The following NOS1AP variants were observed in gnomAD, a reference collection of about 807,000 sequenced individuals.
The protein encoded by NOS1AP is carboxyl-terminal PDZ ligand of neuronal nitric oxide synthase protein.
A neutral mutation model predicts 56.2 loss-of-function variants in NOS1AP; 21 were observed. The observed-to-expected ratio is 0.37, with a 90% CI of 0.26 to 0.54. NOS1AP has a LOEUF of 0.54. Among genes scored for constraint, NOS1AP ranks in the 20% least tolerant of loss-of-function variants. NOS1AP has a pLI of 0.84. For missense variants in NOS1AP, 522 were observed against 657.8 expected, an observed-to-expected ratio of 0.79 and a Z score of 2.26; for synonymous variants, 270 against 274.6, an observed-to-expected ratio of 0.98 and a Z score of 0.17.
chr1:162,305,393 T>C (rs1007968956), intron 4 of NOS1AP, among the ~76,000 whole-genome samples: 3 of 152,050 alleles, frequency 2.0e-5, no homozygotes, highest in African/African-American at 7.3e-5. Flanking sequence ...TCCTATTTTT[T>C]TTTTTTCAGT....
intron 1 of NOS1AP, among the ~76,000 whole-genome samples, chr1:162,073,437 A>G (rs919280565): frequency 6.6e-6 from 1 of 152,202 alleles, no homozygotes; most frequent in Non-Finnish European, 1.5e-5. Flanking sequence ...ACTCTGGTAC[A>G]GGAAATTATT....
At chr1:162,257,592 T>C (rs1399538339) in intron 2 of NOS1AP, among the ~76,000 whole-genome samples, 1 of 150,542 alleles carries the variant, frequency 6.6e-6, no homozygotes, top group Non-Finnish European at 1.5e-5. Flanking sequence ...GAGGTTGCAG[T>C]GAGCCGAGAT....
intron 1 of NOS1AP, among the ~76,000 whole-genome samples, chr1:162,138,071 A>G (rs548551949): frequency 1.3e-5 from 2 of 152,308 alleles, no homozygotes; most frequent in African/African-American, 2.4e-5. Context: ...AAAAATGCAT[A>G]ATCTGTTGAT....
chr1:162,179,633 A>G (rs932247050), intron 2 of NOS1AP, among the ~76,000 whole-genome samples: 6 of 152,204 alleles, frequency 3.9e-5, no homozygotes, highest in African/African-American at 1.4e-4. Flanking sequence ...AGAAAGTCCA[A>G]GCAGGCTTCA....
chr1:162,334,529 G>A (rs1389240423), intron 5 of NOS1AP, among the ~76,000 whole-genome samples: 2 of 152,166 alleles, frequency 1.3e-5, no homozygotes, highest in Non-Finnish European at 2.9e-5. Context: ...GACCTGGGGA[G>A]GAGAGAAAAG....
At chr1:162,175,020 G>C in intron 2 of NOS1AP, among the ~76,000 whole-genome samples, 1 of 152,154 alleles carries the variant, frequency 6.6e-6, no homozygotes, top group East Asian at 1.9e-4. Context: ...AGGTAAGATG[G>C]CATTCTCATC....
At chr1:162,250,593 C>T (rs1653817113) in intron 2 of NOS1AP, among the ~76,000 whole-genome samples, 1 of 152,126 alleles carries the variant, frequency 6.6e-6, no homozygotes, top group Non-Finnish European at 1.5e-5. Context: ...ATAAGTGAGT[C>T]AGGCAGGGGA....
At position 162,260,194 on chromosome 1, in the gene NOS1AP, G is replaced by A. The variant is rs1013198552; in HGVS notation, c.178-27150G>A. Among the ~76,000 whole-genome samples the A allele has an allele frequency of 2.6e-5, 4 of 152,108 alleles. No homozygotes were observed. In the East Asian group the frequency reaches 7.7e-4, roughly 29 times the overall value. On this transcript the variant is annotated intron_variant, in intron 2 of 9. Coordinates refer to ENST00000361897, the MANE Select transcript of NOS1AP (RefSeq NM_014697.3). ...TGAAATATATACGACTGAGAGGGAA[G>A]CAGATTTATGTAGCAATTCTGGATG...
At chr1:162,193,561 C>G (rs1651708280) in intron 2 of NOS1AP, among the ~76,000 whole-genome samples, 1 of 152,130 alleles carries the variant, frequency 6.6e-6, no homozygotes, top group South Asian at 2.1e-4. Context: ...TTTTTGCTTC[C>G]TTTTCGCCTT....
chr1:162,092,072 G>A (rs1460814681), intron 1 of NOS1AP, among the ~76,000 whole-genome samples: 2 of 152,164 alleles, frequency 1.3e-5, no homozygotes, highest in African/African-American at 2.4e-5. Context: ...GTTCAAGGCT[G>A]TGGATCCAAC....
Position 162,365,409 on chromosome 1 carries a change from C to G in NOS1AP, c.945C>G (p.His315Gln). Reference protein sequence around the residue: ...QQTQVAVAQVHLLKDQLAAEA... With the variant: ...QQTQVAVAQVQLLKDQLAAEA... ...CCGCTGCCTCTTCTCTGCAGGTACA[C>G]TTGCTGAAGGACCAGTTGGCTGCTG... is the stretch of plus-strand genomic sequence containing the variant. The change falls in exon 9 of 10, where the codon CAC becomes CAG. Residue 315 changes from histidine to glutamine, a missense_variant. His to Gln is a conservative substitution (Grantham distance 24, BLOSUM62 0). Transcript: ENST00000361897. The G allele has an allele frequency of 6.2e-7, 1 of 1,614,174 alleles. No homozygotes were observed. The highest frequency in any genetic ancestry group is 8.5e-7 in the Non-Finnish European group (1 of 1,180,048).
intron 4 of NOS1AP, among the ~76,000 whole-genome samples, chr1:162,323,669 T>C (rs932877786): frequency 6.6e-6 from 1 of 152,246 alleles, no homozygotes; most frequent in African/African-American, 2.4e-5. Flanking sequence ...TTTGAGCAAC[T>C]ACTATGCGGC....
chr1:162,096,786 A>G (rs1392179433), intron 1 of NOS1AP, among the ~76,000 whole-genome samples: 1 of 152,140 alleles, frequency 6.6e-6, no homozygotes, highest in Non-Finnish European at 1.5e-5. Flanking sequence ...TCACTACTGA[A>G]TCTTATTCCA....
intron 2 of NOS1AP, among the ~76,000 whole-genome samples, chr1:162,263,504 A>G (rs146559345): frequency 1.8e-3 from 268 of 152,332 alleles, no homozygotes; most frequent in African/African-American, 6.1e-3. Context: ...AATTTCTGAG[A>G]GACACATTGC....
At chr1:162,080,792 A>T (rs1691867408) in intron 1 of NOS1AP, among the ~76,000 whole-genome samples, 1 of 152,220 alleles carries the variant, frequency 6.6e-6, no homozygotes, top group African/African-American at 2.4e-5. Context: ...TCATAGAAAG[A>T]TAACATTATA....
chr1:162,362,978 T>A (rs1657952531), intron 8 of NOS1AP: 1 of 922,248 alleles, frequency 1.1e-6, no homozygotes, highest in Non-Finnish European at 1.3e-6. Context: ...TGTCACAACA[T>A]ACTTCTATGA....
chr1:162,154,523 T>A (rs963680245), intron 2 of NOS1AP, 47 bp downstream of exon 2: 1 of 1,590,176 alleles, frequency 6.3e-7, no homozygotes, highest in Admixed American at 1.7e-5. Flanking sequence ...TCAAGTGCCT[T>A]AGCTGCTGGC....
intron 1 of NOS1AP, among the ~76,000 whole-genome samples, chr1:162,141,755 C>T (rs1019644696): frequency 1.3e-5 from 2 of 152,122 alleles, no homozygotes; most frequent in Admixed American, 6.5e-5. Flanking sequence ...ACTTGGATTA[C>T]CTTATCTGAA....
intron 4 of NOS1AP, among the ~76,000 whole-genome samples, chr1:162,306,670 C>T (rs1210526873): frequency 6.6e-6 from 1 of 152,230 alleles, no homozygotes; most frequent in Admixed American, 6.5e-5. Context: ...GGCTTGGTGG[C>T]TCACACCTAT....
Sources: allele counts gnomAD v4.1 joint callset (sites outside exome capture counted in the v4.1 genomes callset), GRCh38; gene constraint gnomAD v4.1.1; transcripts MANE v1.5; gene names NCBI Gene and HGNC (gene_info 2026-07-23, HGNC 2026-07-21).